Variants in TM7SF3 observed in about 807,000 individuals in gnomAD.
TM7SF3 encodes the protein seven span transmembrane protein.
In TM7SF3, 60 loss-of-function variants were observed where a neutral mutation model predicts 65.5. The observed-to-expected ratio is 0.92, with a 90% CI of 0.74 to 1.14. The LOEUF is 1.14. Ranked by LOEUF, TM7SF3 falls within the 50% of genes most tolerant of loss-of-function variation. The pLI is 0.00. For synonymous variants in TM7SF3, 264 were observed against 259.6 expected, an observed-to-expected ratio of 1.02 and a Z score of -0.16; for missense variants, 623 against 684.8, an observed-to-expected ratio of 0.91 and a Z score of 1.01.
At chr12:27,006,339 A>G (rs963264391) in intron 1 of TM7SF3, among the ~76,000 whole-genome samples, 2 of 151,414 alleles carry the variant, frequency 1.3e-5, no homozygotes, top group African/African-American at 4.9e-5. Flanking sequence ...GGGTTTCACT[A>G]TGTTGGCCAG....
intron 6 of TM7SF3, 87 bp downstream of exon 6, chr12:26,990,363 G>GT: frequency 1.0e-6 from 1 of 973,718 alleles, no homozygotes; most frequent in Non-Finnish European, 1.6e-6. Context: ...GGCTCAAAAG[G>GT]TATGTGTTGA....
chr12:26,982,314 G>A (rs1462428839), intron 7 of TM7SF3, among the ~76,000 whole-genome samples: 1 of 152,178 alleles, frequency 6.6e-6, no homozygotes, highest in African/African-American at 2.4e-5. Context: ...GGGATTACAG[G>A]TGTGAGCCAC....
At chr12:26,974,545 G>C (rs1939490346) in intron 11 of TM7SF3, among the ~76,000 whole-genome samples, 1 of 152,100 alleles carries the variant, frequency 6.6e-6, no homozygotes. Flanking sequence ...TTTTTCAGAG[G>C]GGGTTCGGGG....
rs1296997505 is a variant in TM7SF3, at chr12:27,014,262, GCGCCCGCATCGGGCGCCAT to G, written c.-113_-95del. On this transcript the variant is annotated 5_prime_UTR_variant, in exon 1 of 12. An upstream start codon of the reference 5' UTR is lost. Transcript: ENST00000343028. Reference sequence around the variant, plus strand: ...GCAGCCTCGCCCACGCTATCCCGGGGCGCCCGCATCGGGCGCCATCGCCCGCCAGGTGCAGACGCTTCGC... The same window carrying G: ...GCAGCCTCGCCCACGCTATCCCGGGGCGCCCGCCAGGTGCAGACGCTTCGC... 8.2e-6 allele frequency: 10 copies of G among 1,222,404 alleles called. No homozygotes were observed. The highest frequency in any genetic ancestry group is 6.1e-5 in the East Asian group (2 of 32,844). The allele number at this position is 1,222,404 out of a possible 1,614,324, so 75.7% of individuals were successfully genotyped here.
chr12:26,979,577 A>AT (rs1236675119), intron 9 of TM7SF3: 1 of 587,188 alleles, frequency 1.7e-6, no homozygotes, highest in Non-Finnish European at 3.0e-6. Flanking sequence ...CTCTAAAGAC[A>AT]TTCTATATTT....
chr12:27,003,261 T>C lies in TM7SF3; in HGVS notation c.221A>G (p.Gln74Arg), dbSNP rs1565465930. ...FLIFQIHSQYQNTTVSFSPTL... is the reference protein window; with the variant it reads ...FLIFQIHSQYRNTTVSFSPTL... ...CGGAGAAAAGGAAACAGTTGTATTC[T>C]GATACTGTGAGTGTATTTGGAAAAT... Residue 74 changes from glutamine to arginine, a missense_variant, in exon 2 of 12, where the codon CAG (glutamine) becomes CGG (arginine). Physicochemically the swap from Gln to Arg is conservative, Grantham distance 43 (BLOSUM62 1). Coordinates refer to ENST00000343028, the MANE Select transcript of TM7SF3 (RefSeq NM_016551.3). The C allele has an allele frequency of 6.2e-7, 1 of 1,611,964 alleles. No individual in the cohort carries two copies. The highest frequency in any genetic ancestry group is 1.7e-5 in the Admixed American group (1 of 59,860).
Position 26,976,367 on chromosome 12 carries a change from CA to C in TM7SF3, c.1190-11del. On this transcript the variant is annotated splice_polypyrimidine_tract_variant and intron_variant, in intron 9 of 11. Coordinates refer to ENST00000343028, the MANE Select transcript of TM7SF3 (RefSeq NM_016551.3). ...AAAATCTTTAGGTTTCCTGAAAAAG[CA>C]AAAAGAAACTAAGAGTAAACAACAG... 1 of 1,589,986 alleles carries C rather than the reference CA, an allele frequency of 6.3e-7. No homozygotes were observed. The highest frequency in any genetic ancestry group is 8.6e-7 in the Non-Finnish European group (1 of 1,159,614).
chr12:26,978,899 T>A (rs1321684656), intron 9 of TM7SF3: 2 of 152,172 alleles, frequency 1.3e-5, no homozygotes, highest in Admixed American at 6.6e-5. Context: ...GTATTTTATT[T>A]AGCACATGTA....
Position 26,999,645 on chromosome 12 carries a change from G to C in TM7SF3, c.278C>G (p.Thr93Ser). The C allele has an allele frequency of 6.2e-7, 1 of 1,614,154 alleles. No homozygotes were observed. Among genetic ancestry groups the C allele is most frequent in the East Asian group, 2.2e-5 (1 of 44,876 alleles). ...AAGGATGAAAACCAGTCCACTGGCA[G>C]TGCCTGTTTCCGAGGAATTGGAAAG... ...TLLSNSSETG[T>S]ASGLVFILRP... The change falls in exon 3 of 12, where the codon ACT (threonine) becomes AGT (serine). Residue 93 changes from threonine (T) to serine (S), a missense_variant. Transcript: ENST00000343028.
intron 4 of TM7SF3, among the ~76,000 whole-genome samples, chr12:26,996,323 A>C (rs905920030): frequency 3.9e-5 from 6 of 152,232 alleles, no homozygotes; most frequent in Non-Finnish European, 7.3e-5. Context: ...ACCACGGACA[A>C]TGCACAGGAA....
intron 2 of TM7SF3, among the ~76,000 whole-genome samples, chr12:27,001,578 T>C (rs1028824720): frequency 1.3e-5 from 2 of 152,216 alleles, no homozygotes; most frequent in Non-Finnish European, 2.9e-5. Context: ...ACCACTGGCC[T>C]AGGACATAGC....
chr12:26,995,533 G>T, intron 4 of TM7SF3, 125 bp from the exon 5 acceptor site: 1 of 1,006,950 alleles, frequency 9.9e-7, no homozygotes, highest in Non-Finnish European at 1.5e-6. Context: ...TTCACCTTTT[G>T]CAGTGGCAAC....
rs765858126 is a variant in TM7SF3, at chr12:26,999,663, T to C, written c.260A>G (p.Asn87Ser). Residue 87 changes from asparagine (N) to serine (S), a missense_variant, in exon 3 of 12, where the codon AAT becomes AGT. Asn to Ser is a conservative substitution (Grantham distance 46). Transcript: ENST00000343028. ...TVSFSPTLLS[N>S]SSETGTASGL... is the part of the protein sequence containing the mutation. Reference sequence around the variant, plus strand: ...ACTGGCAGTGCCTGTTTCCGAGGAATTGGAAAGGAGAGTCTGCAGTCCAGA... The same window carrying C: ...ACTGGCAGTGCCTGTTTCCGAGGAACTGGAAAGGAGAGTCTGCAGTCCAGA... 2 of 1,613,974 alleles carry C rather than the reference T, an allele frequency of 1.2e-6. No individual in the cohort carries two copies. The highest frequency in any genetic ancestry group is 1.1e-5 in the South Asian group (1 of 91,070).
At chr12:26,993,284 A>G (rs112783944) in intron 5 of TM7SF3, among the ~76,000 whole-genome samples, 1 of 152,162 alleles carries the variant, frequency 6.6e-6, no homozygotes, top group African/African-American at 2.4e-5. Flanking sequence ...GGCCAATCTC[A>G]GTAATCCAGA....
intron 1 of TM7SF3, among the ~76,000 whole-genome samples, chr12:27,005,764 G>A (rs549914741): frequency 1.4e-3 from 207 of 151,986 alleles, no homozygotes; most frequent in South Asian, 0.011. Flanking sequence ...TAAGTAGGGG[G>A]GTATTAAAAG....
At position 26,973,790 on chromosome 12, in the gene TM7SF3, T is replaced by TA; in HGVS notation, c.*174dup. 1.3e-6 allele frequency: 1 copy of TA among 748,684 alleles called. No individual in the cohort carries two copies. The highest frequency in any genetic ancestry group is 2.0e-6 in the Non-Finnish European group (1 of 509,200). 46.4% of individuals were successfully genotyped at this position (748,684 alleles called of 1,614,324 possible). A position where few individuals can be genotyped will look rare whatever the true frequency, so the allele number is the denominator to read the frequency against. On this transcript the variant is annotated 3_prime_UTR_variant, in exon 12 of 12. Coordinates refer to ENST00000343028, the MANE Select transcript of TM7SF3 (RefSeq NM_016551.3). ...CTTTTGGTCATCTTTCTCATTCTCT[T>TA]ACAATCATCCTAATCCCCTAGTACA...
At position 26,995,258 on chromosome 12, in the gene TM7SF3, C is replaced by G; in HGVS notation, c.669G>C (p.Gln223His). 1 of 1,614,052 alleles carries G rather than the reference C, an allele frequency of 6.2e-7. No individual in the cohort carries two copies. The highest frequency in any genetic ancestry group is 8.5e-7 in the Non-Finnish European group (1 of 1,179,984). ...KHLQRMVSVP[Q>H]VKASALKVVT... is the part of the protein sequence containing the mutation. ...TTACCTTGAGAGCACTGGCCTTCAC[C>G]TGGGGCACACTGACCATCCTCTGCA... Residue 223 changes from glutamine (Q) to histidine (H), a missense_variant, in exon 5 of 12, where the codon CAG becomes CAC. By Grantham distance (24) the Gln-to-His change is conservative (BLOSUM62 0). Coordinates refer to ENST00000343028, the MANE Select transcript of TM7SF3 (RefSeq NM_016551.3).
chr12:27,014,032 T>C (rs1162176899), intron 1 of TM7SF3, 46 bp downstream of exon 1: 4 of 1,513,770 alleles, frequency 2.6e-6, no homozygotes, highest in South Asian at 2.4e-5. Flanking sequence ...TCGCAAGAAA[T>C]GCAAAAGCAA....
chr12:26,991,906 C>T (rs1480366603), intron 5 of TM7SF3, among the ~76,000 whole-genome samples: 1 of 152,204 alleles, frequency 6.6e-6, no homozygotes, highest in African/African-American at 2.4e-5. Context: ...TGTCCTACCA[C>T]AGTGTTTCTC....
Sources: allele counts gnomAD v4.1 joint callset (sites outside exome capture counted in the v4.1 genomes callset), GRCh38; gene constraint gnomAD v4.1.1; transcripts MANE v1.5; gene names NCBI Gene and HGNC (gene_info 2026-07-23, HGNC 2026-07-21).